SEC31A: variants seen among roughly 807,000 people sequenced by gnomAD.
SEC31A encodes the protein SEC31 homolog A, COPII component, also known as protein transport protein Sec31A.
A neutral mutation model predicts 151.0 loss-of-function variants in SEC31A; 70 were observed. The observed-to-expected ratio is 0.46, with a 90% CI of 0.38 to 0.57. The LOEUF is 0.57. SEC31A is among the 20% of genes least tolerant of loss of function. The pLI, the probability that SEC31A is intolerant of heterozygous loss-of-function variation, is 0.00. For synonymous variants in SEC31A, 475 were observed against 505.9 expected, an observed-to-expected ratio of 0.94 and a Z score of 0.82; for missense variants, 1,330 against 1,471.2, an observed-to-expected ratio of 0.90 and a Z score of 1.57.
chr4:82,847,081 T>C (rs1730399984), intron 20 of SEC31A, among the ~76,000 whole-genome samples: 1 of 152,266 alleles, frequency 6.6e-6, no homozygotes, highest in South Asian at 2.1e-4. Context: ...GTTAATGGAC[T>C]GTTCATGTTA....
chr4:82,865,100 C>T (rs193197037), intron 10 of SEC31A, among the ~76,000 whole-genome samples: 5 of 152,060 alleles, frequency 3.3e-5, no homozygotes, highest in African/African-American at 1.2e-4. Context: ...AAAACATATT[C>T]AAAGGTCCAT....
chr4:82,882,296 A>G (rs1270068345), intron 1 of SEC31A, among the ~76,000 whole-genome samples: 9 of 150,408 alleles, frequency 6.0e-5, no homozygotes, highest in African/African-American at 1.7e-4. Flanking sequence ...CCAGCTACTC[A>G]GGAGGCTGAG....
At chr4:82,843,469 T>C (rs938334738) in intron 21 of SEC31A, among the ~76,000 whole-genome samples, 2 of 152,178 alleles carry the variant, frequency 1.3e-5, no homozygotes, top group Admixed American at 6.5e-5. Flanking sequence ...TACCATCACA[T>C]TCACATTCTT....
At chr4:82,852,196 G>A (rs771210066) in intron 18 of SEC31A, among the ~76,000 whole-genome samples, 34 of 152,198 alleles carry the variant, frequency 2.2e-4, no homozygotes, top group Middle Eastern at 3.4e-3. Context: ...CCTTCACCTT[G>A]AGCCATGACT....
At position 82,819,032 on chromosome 4, in the gene SEC31A, T is replaced by C; in HGVS notation, c.*42A>G. 3.9e-6 allele frequency: 6 copies of C among 1,532,378 alleles called. No individual in the cohort carries two copies. Among genetic ancestry groups the C allele is most frequent in the Non-Finnish European group, 5.3e-6 (6 of 1,137,448 alleles). The allele number at this position is 1,532,378 out of a possible 1,614,324, so 94.9% of individuals were successfully genotyped here. ...ATAATTTTTTTTTTTAACATGTTTC[T>C]TTGGAAAAATGGCAATATTGAGTGG... On this transcript the variant is annotated 3_prime_UTR_variant, in exon 27 of 27. Transcript: ENST00000395310.
intron 20 of SEC31A, among the ~76,000 whole-genome samples, chr4:82,847,615 A>AT (rs1402654972): frequency 1.2e-4 from 19 of 152,196 alleles, no homozygotes; most frequent in African/African-American, 4.3e-4. Context: ...ACGCTGAGAA[A>AT]TTCAAGCTCT....
At chr4:82,849,979 G>A (rs1028979746) in intron 19 of SEC31A, among the ~76,000 whole-genome samples, 3 of 151,928 alleles carry the variant, frequency 2.0e-5, no homozygotes, top group African/African-American at 7.3e-5. Flanking sequence ...TTTTGGGGGG[G>A]AGAATTATAT....
rs1485140652 is a variant in SEC31A at position 82,867,246 on chromosome 4, A to G, written c.953T>C (p.Val318Ala). The G allele has an allele frequency of 1.2e-6, 2 of 1,614,168 alleles. No individual in the cohort carries two copies. Among genetic ancestry groups the G allele is most frequent in the Non-Finnish European group, 1.7e-6 (2 of 1,179,980 alleles). ...CCCATCAAACGAAGCAGCTGATAAG[A>G]CAGCAGGATTTCGGGGACACCACTG... is the stretch of plus-strand genomic sequence containing the variant. ...DIQWCPRNPAVLSAASFDGRI... is the reference protein window; with the variant it reads ...DIQWCPRNPAALSAASFDGRI... The change falls in exon 9 of 27, where the codon GTC (valine) becomes GCC (alanine). Residue 318 changes from valine to alanine, a missense_variant. Transcript: ENST00000395310.
At position 82,861,717 on chromosome 4, in the gene SEC31A, C is replaced by A; in HGVS notation, c.1549-9G>T. 1 of 1,591,284 alleles carries A rather than the reference C, an allele frequency of 6.3e-7. No homozygotes were observed. Among genetic ancestry groups the A allele is most frequent in the Admixed American group, 1.7e-5 (1 of 59,188 alleles). On this transcript the variant is annotated splice_polypyrimidine_tract_variant and intron_variant, in intron 13 of 26. Coordinates refer to ENST00000395310, the MANE Select transcript of SEC31A (RefSeq NM_001077207.4). ...TCAGAGTCTTTAAGAGCCTTTGGTA[C>A]ACAAAACAATTACAGGGGAAGGTGA...
At chr4:82,891,232 G>T, upstream of SEC31A, 1 of 1,467,536 alleles carries the variant, frequency 6.8e-7, no homozygotes, top group Non-Finnish European at 9.2e-7. Flanking sequence ...GCCACGCCCT[G>T]CGCCCAACAC....
chr4:82,891,506 G>A (rs1470729186), upstream of SEC31A, among the ~76,000 whole-genome samples: 4 of 152,208 alleles, frequency 2.6e-5, no homozygotes, highest in African/African-American at 9.6e-5. Context: ...GGAACGCCAC[G>A]TAGCACTAGT....
chr4:82,855,056 T>C, intron 16 of SEC31A, 27 bp from the exon 17 acceptor site: 6 of 1,572,512 alleles, frequency 3.8e-6, no homozygotes, highest in Non-Finnish European at 5.2e-6. Flanking sequence ...AAAGGAAGAA[T>C]TAAAAGTCTT....
rs146855170 is a variant in SEC31A, at chr4:82,878,878, A to G, written c.254T>C (p.Val85Ala). 1 of 1,613,828 alleles carries G rather than the reference A, an allele frequency of 6.2e-7. No homozygotes were observed. The highest frequency in any genetic ancestry group is 1.3e-5 in the African/African-American group (1 of 74,926). The change falls in exon 4 of 27, where the codon GTC (valine) becomes GCC (alanine). Residue 85 changes from valine (V) to alanine (A), a missense_variant. Physicochemically the swap from Val to Ala is moderately conservative, Grantham distance 64. Transcript: ENST00000395310. Reference sequence around the variant, plus strand: ...ACCACCTGCAATCAGAACTCCAGAGACATCTCCTTTGGAATCCATTTTATA... The same window carrying G: ...ACCACCTGCAATCAGAACTCCAGAGGCATCTCCTTTGGAATCCATTTTATA... Reference protein sequence around the residue: ...GPYKMDSKGDVSGVLIAGGEN... With the variant: ...GPYKMDSKGDASGVLIAGGEN...
intron 24 of SEC31A, among the ~76,000 whole-genome samples, chr4:82,825,071 C>G (rs1724236295): frequency 6.6e-6 from 1 of 152,188 alleles, no homozygotes; most frequent in Non-Finnish European, 1.5e-5. Flanking sequence ...TACGTGTATG[C>G]TGGCATTCTT....
At chr4:82,882,037 T>A in intron 1 of SEC31A, 97 bp from the exon 2 acceptor site, 1 of 902,414 alleles carries the variant, frequency 1.1e-6, no homozygotes, top group Non-Finnish European at 1.8e-6. Flanking sequence ...AACAAACCAC[T>A]ACAACATTAG....
intron 1 of SEC31A, among the ~76,000 whole-genome samples, chr4:82,882,826 A>C (rs1466851512): frequency 1.3e-5 from 2 of 152,230 alleles, no homozygotes; most frequent in Non-Finnish European, 2.9e-5. Context: ...CATTAAAGTT[A>C]CTTTGATGGA....
At chr4:82,839,187 G>A (rs1728170148) in intron 22 of SEC31A, among the ~76,000 whole-genome samples, 1 of 151,356 alleles carries the variant, frequency 6.6e-6, no homozygotes, top group Non-Finnish European at 1.5e-5. Flanking sequence ...TTACGCTCTT[G>A]TTGCCCAGGC....
intron 20 of SEC31A, among the ~76,000 whole-genome samples, chr4:82,844,846 T>A (rs896589240): frequency 6.6e-6 from 1 of 152,130 alleles, no homozygotes; most frequent in African/African-American, 2.4e-5. Flanking sequence ...TAAGTATAAA[T>A]GCCATAAAGG....
chr4:82,900,546 G>C, upstream of SEC31A: 1 of 526,366 alleles, frequency 1.9e-6, no homozygotes, highest in East Asian at 3.2e-5. Flanking sequence ...CGCCTCCAAC[G>C]CGGAGGGAGG....
Sources: allele counts gnomAD v4.1 joint callset (sites outside exome capture counted in the v4.1 genomes callset), GRCh38; gene constraint gnomAD v4.1.1; transcripts MANE v1.5; gene names NCBI Gene and HGNC (gene_info 2026-07-23, HGNC 2026-07-21).